RANBP2: variants seen among roughly 807,000 people sequenced by gnomAD.
The protein encoded by RANBP2 is RAN binding protein 2, also known as E3 SUMO-protein ligase RanBP2.
In RANBP2, 57 loss-of-function variants were observed where a neutral mutation model predicts 303.6. That is an observed-to-expected ratio of 0.19 (90% CI 0.15 to 0.23). RANBP2 has a LOEUF of 0.23. Ranked by LOEUF, RANBP2 falls within the 10% of genes least tolerant of loss-of-function variation. RANBP2 has a pLI of 1.00. For synonymous variants in RANBP2, 1,167 were observed against 1,301.5 expected, an observed-to-expected ratio of 0.90 and a Z score of 2.23; for missense variants, 3,138 against 3,780.8, an observed-to-expected ratio of 0.83 and a Z score of 4.46.
the RANBP2 span, among the ~76,000 whole-genome samples, chr2:109,179,581 T>C: frequency 1.5e-3 from 230 of 152,340 alleles, 3 homozygotes; most frequent in East Asian, 3.7e-3. Context: ...GGTACTGGCA[T>C]CTGATGATAT....
the RANBP2 span, among the ~76,000 whole-genome samples, chr2:108,928,090 C>T: frequency 1.3e-5 from 2 of 152,138 alleles, no homozygotes; most frequent in Admixed American, 6.5e-5. Context: ...AAGTCTTCAG[C>T]GGTGGTTTCC....
the RANBP2 span, among the ~76,000 whole-genome samples, chr2:109,591,700 C>G: frequency 1.3e-5 from 2 of 152,048 alleles, no homozygotes; most frequent in African/African-American, 2.4e-5. Flanking sequence ...AGTTCAAGAC[C>G]AGCCTGGCCA....
chr2:109,457,532 C>T, the RANBP2 span, among the ~76,000 whole-genome samples: 1 of 152,366 alleles, frequency 6.6e-6, no homozygotes, highest in Non-Finnish European at 1.5e-5. Context: ...ATCAGGATTA[C>T]TGTGAAATCC....
intron 9 of RANBP2, among the ~76,000 whole-genome samples, chr2:108,750,795 G>C (rs1675821571): frequency 6.6e-6 from 1 of 152,174 alleles, no homozygotes. Flanking sequence ...CACCATGCTG[G>C]CCAGGCTGGT....
chr2:109,439,809 C>T, the RANBP2 span, among the ~76,000 whole-genome samples: 1 of 151,658 alleles, frequency 6.6e-6, no homozygotes, highest in African/African-American at 2.4e-5. Flanking sequence ...CCAGACAAGC[C>T]CCATTTCCAC....
chr2:109,740,473 G>A, the RANBP2 span, among the ~76,000 whole-genome samples: 2 of 152,140 alleles, frequency 1.3e-5, no homozygotes, highest in African/African-American at 2.4e-5. Flanking sequence ...TCAATTACAT[G>A]AATCTAATTG....
the RANBP2 span, among the ~76,000 whole-genome samples, chr2:109,294,000 C>T: frequency 6.6e-6 from 1 of 152,112 alleles, no homozygotes; most frequent in Non-Finnish European, 1.5e-5. Flanking sequence ...AGTGCTTGGC[C>T]GAGCAGCTGG....
At chr2:109,169,281 C>T in the RANBP2 span, among the ~76,000 whole-genome samples, 118 of 152,178 alleles carry the variant, frequency 7.8e-4, no homozygotes, top group Admixed American at 2.7e-3. Context: ...TGCTGAGAGG[C>T]GGGTATATTA....
chr2:108,976,792 CA>C, the RANBP2 span, among the ~76,000 whole-genome samples: 3 of 152,192 alleles, frequency 2.0e-5, no homozygotes, highest in East Asian at 5.8e-4. Context: ...GACATACTAC[CA>C]TTTTTTTTTC....
the RANBP2 span, among the ~76,000 whole-genome samples, chr2:108,925,191 C>T: frequency 1.3e-5 from 2 of 151,892 alleles, no homozygotes; most frequent in African/African-American, 4.8e-5. Context: ...GTTCACGTCT[C>T]TATTCCTTGG....
chr2:109,187,891 G>C, the RANBP2 span, among the ~76,000 whole-genome samples: 4 of 152,170 alleles, frequency 2.6e-5, no homozygotes, highest in Non-Finnish European at 5.9e-5. Context: ...CGTCACCGTG[G>C]GTGTTAAGCC....
At chr2:109,678,677 C>T in the RANBP2 span, among the ~76,000 whole-genome samples, 1 of 152,158 alleles carries the variant, frequency 6.6e-6, no homozygotes, top group Non-Finnish European at 1.5e-5. Flanking sequence ...TGAACTGTGC[C>T]CAAGAATGTG....
At chr2:109,135,957 G>A in the RANBP2 span, among the ~76,000 whole-genome samples, 1 of 152,178 alleles carries the variant, frequency 6.6e-6, no homozygotes, top group Non-Finnish European at 1.5e-5. Context: ...CAGCCTGTTG[G>A]CAGGCTATCC....
intron 1 of RANBP2, among the ~76,000 whole-genome samples, chr2:108,723,555 G>A (rs1372170558): frequency 2.6e-5 from 4 of 152,158 alleles, no homozygotes; most frequent in Non-Finnish European, 5.9e-5. Flanking sequence ...GGTTACAGGC[G>A]TGAGCCACCG....
chr2:109,726,226 T>G, the RANBP2 span, among the ~76,000 whole-genome samples: 27 of 151,812 alleles, frequency 1.8e-4, no homozygotes, highest in African/African-American at 6.5e-4. Context: ...CCGGCCAACA[T>G]AGCAAAACCC....
At chr2:109,027,057 C>T in the RANBP2 span, among the ~76,000 whole-genome samples, 13,525 of 152,034 alleles carry the variant, frequency 0.089, 621 homozygotes, top group Middle Eastern at 0.16. Context: ...CAGCTTGGTG[C>T]GTGGTGAAAT....
At chr2:109,465,495 T>C in the RANBP2 span, among the ~76,000 whole-genome samples, 1 of 152,212 alleles carries the variant, frequency 6.6e-6, no homozygotes, top group Admixed American at 6.5e-5. Flanking sequence ...GCATTCAGTG[T>C]TGTCACTGTT....
At chr2:108,997,658 G>C in the RANBP2 span, among the ~76,000 whole-genome samples, 1 of 151,936 alleles carries the variant, frequency 6.6e-6, no homozygotes, top group Non-Finnish European at 1.5e-5. Context: ...GTGAGAGGCC[G>C]AGGTGGGTGG....
chr2:109,077,664 T>A, the RANBP2 span, among the ~76,000 whole-genome samples: 2 of 150,478 alleles, frequency 1.3e-5, no homozygotes, highest in African/African-American at 4.8e-5. Context: ...TAGATAGTTT[T>A]CGAAAGAGGA....
Sources: allele counts gnomAD v4.1 joint callset (sites outside exome capture counted in the v4.1 genomes callset), GRCh38; gene constraint gnomAD v4.1.1; transcripts MANE v1.5; gene names NCBI Gene and HGNC (gene_info 2026-07-23, HGNC 2026-07-21).